The following SINHCAF variants were observed in gnomAD, a reference collection of about 807,000 sequenced individuals.
The protein encoded by SINHCAF is SIN3-HDAC complex-associated factor.
SINHCAF carries 3 observed loss-of-function variants against 25.8 expected under a neutral mutation model. That is an observed-to-expected ratio of 0.12 (90% CI 0.05 to 0.30). The LOEUF is 0.30. SINHCAF is among the 10% of genes least tolerant of loss of function. SINHCAF has a pLI of 1.00. For missense variants in SINHCAF, 121 were observed against 262.3 expected, an observed-to-expected ratio of 0.46 and a Z score of 3.72; for synonymous variants, 70 against 85.5, an observed-to-expected ratio of 0.82 and a Z score of 1.00.
chr12:31,313,751 C>T (rs539703919), intron 1 of SINHCAF, among the ~76,000 whole-genome samples: 3 of 151,954 alleles, frequency 2.0e-5, no homozygotes, highest in Non-Finnish European at 4.4e-5. Context: ...TGGGTTCAAG[C>T]GATTCTCCTG....
chr12:31,287,385 A>G (rs1208337901), intron 5 of SINHCAF, among the ~76,000 whole-genome samples: 1 of 152,034 alleles, frequency 6.6e-6, no homozygotes, highest in African/African-American at 2.4e-5. Context: ...TCTCCACTGC[A>G]TATTGTCTTT....
chr12:31,292,998 T>C (rs1337735917), intron 4 of SINHCAF, among the ~76,000 whole-genome samples: 1 of 152,144 alleles, frequency 6.6e-6, no homozygotes, highest in African/African-American at 2.4e-5. Context: ...CCTAACCTAT[T>C]TGGCCACAAA....
chr12:31,296,480 A>T (rs1299613545), intron 2 of SINHCAF, among the ~76,000 whole-genome samples: 2 of 151,754 alleles, frequency 1.3e-5, no homozygotes, highest in African/African-American at 2.4e-5. Flanking sequence ...TAGATATTTC[A>T]TAAGTATCAA....
At chr12:31,305,709 T>TG (rs909668348) in intron 1 of SINHCAF, among the ~76,000 whole-genome samples, 1 of 150,282 alleles carries the variant, frequency 6.7e-6, no homozygotes, top group African/African-American at 2.5e-5. Context: ...TTTTTTTTTT[T>TG]TTTTTTTTGA....
In SINHCAF at chr12:31,324,693, C is replaced by G; in HGVS notation, c.-21+1331G>C. 3.0e-6 allele frequency: 1 copy of G among 337,254 alleles called. No homozygotes were observed. Among genetic ancestry groups the G allele is most frequent in the South Asian group, 2.2e-5 (1 of 44,966 alleles). The allele number at this position is 337,254 out of a possible 1,614,324, so 20.9% of individuals were successfully genotyped here. On this transcript the variant is annotated intron_variant, in intron 1 of 5. Transcript: ENST00000337682. This position sits in a 1 kb window ranked among gnomAD's most constrained non-coding sequence, Gnocchi z 5.5. ...GCCGGGCGCTGCCTACGTGCAGCAT[C>G]AGGGATGTCGGAGCGTTTCGCAGGG... is the stretch of plus-strand genomic sequence containing the variant.
intron 4 of SINHCAF, among the ~76,000 whole-genome samples, chr12:31,291,808 A>G (rs767731572): frequency 3.3e-5 from 5 of 151,906 alleles, no homozygotes; most frequent in African/African-American, 7.2e-5. Flanking sequence ...AAGAGAATAC[A>G]GGCCTGGTAT....
At chr12:31,313,598 G>A (rs1470230100) in intron 1 of SINHCAF, among the ~76,000 whole-genome samples, 2 of 152,170 alleles carry the variant, frequency 1.3e-5, no homozygotes, top group South Asian at 2.1e-4. Flanking sequence ...TGAATGCACT[G>A]AATATGTGTA....
At chr12:31,322,281 C>G (rs1939725170) in intron 1 of SINHCAF, among the ~76,000 whole-genome samples, 1 of 152,188 alleles carries the variant, frequency 6.6e-6, no homozygotes, top group South Asian at 2.1e-4. Context: ...TATATGAAAT[C>G]TGCTAGGAAA....
chr12:31,292,135 T>G (rs11051376), intron 4 of SINHCAF, among the ~76,000 whole-genome samples: 458 of 152,306 alleles, frequency 3.0e-3, no homozygotes, highest in Non-Finnish European at 5.9e-3. Flanking sequence ...GCTAAGAATA[T>G]ACATATGAAT....
intron 1 of SINHCAF, among the ~76,000 whole-genome samples, chr12:31,316,177 A>C (rs1461841086): frequency 1.3e-5 from 2 of 152,062 alleles, no homozygotes; most frequent in Non-Finnish European, 2.9e-5. Context: ...TCTCAAAAAT[A>C]AAAAATAAAA....
intron 1 of SINHCAF, among the ~76,000 whole-genome samples, chr12:31,298,989 G>C (rs567157475): frequency 1.6e-4 from 25 of 151,902 alleles, no homozygotes; most frequent in Non-Finnish European, 3.2e-4. Flanking sequence ...GTAACAGTGG[G>C]AGGCAAATGT....
At chr12:31,290,563 G>T (rs368529440) in intron 4 of SINHCAF, among the ~76,000 whole-genome samples, 1 of 152,012 alleles carries the variant, frequency 6.6e-6, no homozygotes, top group African/African-American at 2.4e-5. Flanking sequence ...AAGAGTAGCA[G>T]GTTTTAAAAA....
rs1939867175 is a variant in SINHCAF, at chr12:31,324,512, G to C, written c.-21+1512C>G. ...CATGGCACCTCGCACAAGTAGCGCC[G>C]CCAAAGTTTCCCCACGAGGGGGCTG... On this transcript the variant is annotated intron_variant, in intron 1 of 5. Transcript: ENST00000337682. The surrounding 1 kb of genome is among the most constrained non-coding windows in gnomAD (Gnocchi z 5.5). 6.1e-6 allele frequency: 1 copy of C among 164,654 alleles called. No homozygotes were observed. Among genetic ancestry groups the C allele is most frequent in the African/African-American group, 2.4e-5 (1 of 41,512 alleles). 10.2% of individuals were successfully genotyped at this position (164,654 alleles called of 1,614,324 possible). A position where few individuals can be genotyped will look rare whatever the true frequency, so the allele number is the denominator to read the frequency against.
intron 1 of SINHCAF, among the ~76,000 whole-genome samples, chr12:31,302,245 G>A (rs906447208): frequency 2.6e-5 from 4 of 151,878 alleles, no homozygotes; most frequent in Admixed American, 6.6e-5. Flanking sequence ...ACTGTCATTC[G>A]TCTTCTAAAA....
intron 1 of SINHCAF, among the ~76,000 whole-genome samples, chr12:31,317,753 T>C (rs1565505291): frequency 6.6e-6 from 1 of 151,458 alleles, no homozygotes; most frequent in Non-Finnish European, 1.5e-5. Flanking sequence ...AATTAGAAAA[T>C]ACACTCCATG....
chr12:31,309,446 T>C (rs1342283350), intron 1 of SINHCAF, among the ~76,000 whole-genome samples: 1 of 152,222 alleles, frequency 6.6e-6, no homozygotes, highest in African/African-American at 2.4e-5. Context: ...TCTCAACCTT[T>C]ATTGGAGTAG....
At chr12:31,315,266 TTAA>T (rs1939454629) in intron 1 of SINHCAF, among the ~76,000 whole-genome samples, 2 of 152,288 alleles carry the variant, frequency 1.3e-5, no homozygotes, top group Admixed American at 6.5e-5. Context: ...AAGAGAAAAG[TTAA>T]TAATTGTGTA....
At chr12:31,284,021 C>G (rs1937929914) in intron 5 of SINHCAF, among the ~76,000 whole-genome samples, 1 of 152,084 alleles carries the variant, frequency 6.6e-6, no homozygotes, top group Admixed American at 6.6e-5. Context: ...TATTTATCTA[C>G]TCTTATTTTA....
chr12:31,297,060 G>T (rs1391664197), intron 2 of SINHCAF: 2 of 406,906 alleles, frequency 4.9e-6, no homozygotes. Flanking sequence ...AAAAAGAAAA[G>T]AAAAAAAGAA....
Sources: allele counts gnomAD v4.1 joint callset (sites outside exome capture counted in the v4.1 genomes callset), GRCh38; gene constraint gnomAD v4.1.1; non-coding constraint Gnocchi (gnomAD v3.1); transcripts MANE v1.5; gene names NCBI Gene and HGNC (gene_info 2026-07-23, HGNC 2026-07-21).